TMEM178B: variants seen among roughly 807,000 people sequenced by gnomAD.
TMEM178B encodes transmembrane protein 178B.
TMEM178B carries 5 observed loss-of-function variants against 31.0 expected under a neutral mutation model. That is an observed-to-expected ratio of 0.16 (90% CI 0.08 to 0.34). The LOEUF (loss-of-function observed/expected upper bound fraction) is 0.34. Among genes scored for constraint, TMEM178B ranks in the 10% least tolerant of loss-of-function variants. TMEM178B has a pLI of 1.00. For synonymous variants in TMEM178B, 164 were observed against 164.0 expected, an observed-to-expected ratio of 1.00 and a Z score of 0.00; for missense variants, 275 against 400.3, an observed-to-expected ratio of 0.69 and a Z score of 2.67.
At chr7:141,242,715 A>C (rs952567280) in intron 2 of TMEM178B, among the ~76,000 whole-genome samples, 9 of 151,408 alleles carry the variant, frequency 5.9e-5, no homozygotes, top group Non-Finnish European at 8.8e-5. Flanking sequence ...TAATTTTTGT[A>C]TATTTTCAGT....
intron 1 of TMEM178B, among the ~76,000 whole-genome samples, chr7:141,091,177 A>G (rs929549672): frequency 6.6e-5 from 10 of 152,182 alleles, no homozygotes; most frequent in African/African-American, 2.4e-4. Context: ...CAAGTTGTAT[A>G]AAGTGCTATA....
chr7:141,388,678 C>A (rs1800477177), intron 2 of TMEM178B, among the ~76,000 whole-genome samples: 1 of 148,762 alleles, frequency 6.7e-6, no homozygotes, highest in Non-Finnish European at 1.5e-5. Flanking sequence ...TTTTTCCCAC[C>A]AATCACTGCA....
intron 2 of TMEM178B, among the ~76,000 whole-genome samples, chr7:141,256,383 T>G (rs1203683476): frequency 6.6e-6 from 1 of 152,226 alleles, no homozygotes; most frequent in Admixed American, 6.5e-5. Context: ...AAAGTGATAC[T>G]TGGGGGAAGA....
At chr7:141,376,251 A>G (rs375214947) in intron 2 of TMEM178B, among the ~76,000 whole-genome samples, 2 of 152,250 alleles carry the variant, frequency 1.3e-5, no homozygotes, top group Non-Finnish European at 2.9e-5. Flanking sequence ...TTTAAAAAAT[A>G]GTTTTGCCAA....
chr7:141,389,063 G>C (rs1449310986), intron 2 of TMEM178B, among the ~76,000 whole-genome samples: 1 of 152,120 alleles, frequency 6.6e-6, no homozygotes, highest in Non-Finnish European at 1.5e-5. Context: ...TTGATCTACA[G>C]GATCTAGGAA....
At chr7:141,487,734 T>C in the TMEM178B span, among the ~76,000 whole-genome samples, 1 of 83,064 alleles carries the variant, frequency 1.2e-5, no homozygotes, top group African/African-American at 5.3e-5. Flanking sequence ...AGAGTAAGAC[T>C]CCGTCTCAAA....
At chr7:141,396,769 G>T (rs1350884218) in intron 2 of TMEM178B, among the ~76,000 whole-genome samples, 1 of 152,212 alleles carries the variant, frequency 6.6e-6, no homozygotes, top group Non-Finnish European at 1.5e-5. Flanking sequence ...AGCCCAGAGA[G>T]AGGATAAAGA....
intron 2 of TMEM178B, among the ~76,000 whole-genome samples, chr7:141,365,231 G>A (rs549920800): frequency 3.3e-5 from 5 of 152,312 alleles, no homozygotes; most frequent in East Asian, 3.9e-4. Flanking sequence ...TGCTGTAGAC[G>A]TTCTGGGTTC....
At chr7:141,396,244 T>C (rs1800635645) in intron 2 of TMEM178B, among the ~76,000 whole-genome samples, 1 of 152,150 alleles carries the variant, frequency 6.6e-6, no homozygotes, top group African/African-American at 2.4e-5. Flanking sequence ...CCAGTCTTCT[T>C]GCGTGCCTCC....
chr7:141,225,122 C>A (rs1320896309), intron 2 of TMEM178B, among the ~76,000 whole-genome samples: 1 of 152,130 alleles, frequency 6.6e-6, no homozygotes, highest in Non-Finnish European at 1.5e-5. Flanking sequence ...TCTAATACTT[C>A]CCCCAGAGCT....
At chr7:141,223,254 T>C (rs1385893439) in intron 2 of TMEM178B, among the ~76,000 whole-genome samples, 1 of 152,112 alleles carries the variant, frequency 6.6e-6, no homozygotes, top group Non-Finnish European at 1.5e-5. Context: ...GGGGAGGCCA[T>C]AGAGGTGACA....
At chr7:141,132,178 C>A (rs1399391115) in intron 1 of TMEM178B, among the ~76,000 whole-genome samples, 2 of 152,124 alleles carry the variant, frequency 1.3e-5, no homozygotes, top group African/African-American at 4.8e-5. Flanking sequence ...GAAAAGAAGA[C>A]TATTAATTCC....
chr7:141,285,089 A>G (rs1379095683), intron 2 of TMEM178B, among the ~76,000 whole-genome samples: 2 of 146,782 alleles, frequency 1.4e-5, no homozygotes, highest in Non-Finnish European at 3.0e-5. Flanking sequence ...CGTTATTTGG[A>G]TATCACCAGT....
chr7:141,143,765 A>G (rs944864525), intron 1 of TMEM178B, among the ~76,000 whole-genome samples: 4 of 152,082 alleles, frequency 2.6e-5, no homozygotes, highest in East Asian at 1.9e-4. Context: ...TGACTTTGGT[A>G]TCTTGATAGG....
intron 2 of TMEM178B, among the ~76,000 whole-genome samples, chr7:141,308,058 C>A (rs574758456): frequency 1.3e-5 from 2 of 152,284 alleles, no homozygotes; most frequent in East Asian, 3.9e-4. Context: ...CTATAACATT[C>A]TGTGGTAGAG....
chr7:141,462,886 G>A (rs956606622), intron 3 of TMEM178B, among the ~76,000 whole-genome samples: 1 of 151,898 alleles, frequency 6.6e-6, no homozygotes. Context: ...TGGGAGTTGC[G>A]AGGTGATGTT....
chr7:141,322,383 T>C (rs62486673), intron 2 of TMEM178B, among the ~76,000 whole-genome samples: 1 of 145,054 alleles, frequency 6.9e-6, no homozygotes, highest in Non-Finnish European at 1.5e-5. Context: ...AAAAAAAAAT[T>C]AGCCGGGCAT....
chr7:141,103,965 T>C (rs1795099580), intron 1 of TMEM178B, among the ~76,000 whole-genome samples: 2 of 152,198 alleles, frequency 1.3e-5, no homozygotes, highest in Non-Finnish European at 1.5e-5. Flanking sequence ...AAGAGTATCT[T>C]CCCTTGGGGT....
chr7:141,510,825 G>A, the TMEM178B span, among the ~76,000 whole-genome samples: 8 of 151,322 alleles, frequency 5.3e-5, no homozygotes, highest in Non-Finnish European at 1.2e-4. Flanking sequence ...AAGCAGGGAC[G>A]ACACCAACTG....
Sources: allele counts gnomAD v4.1 joint callset (sites outside exome capture counted in the v4.1 genomes callset), GRCh38; gene constraint gnomAD v4.1.1; transcripts MANE v1.5; gene names NCBI Gene and HGNC (gene_info 2026-07-23, HGNC 2026-07-21).